GRIK3: variants seen among roughly 807,000 people sequenced by gnomAD.
GRIK3 encodes the protein glutamate ionotropic receptor kainate type subunit 3.
In GRIK3, 29 loss-of-function variants were observed where a neutral mutation model predicts 102.5. That is an observed-to-expected ratio of 0.28 (90% CI 0.21 to 0.39). The LOEUF (loss-of-function observed/expected upper bound fraction) is 0.39. GRIK3 is among the 10% of genes least tolerant of loss of function. The probability of loss-of-function intolerance (pLI) is 1.00; values close to 1 mark genes in which losing one functional copy is unlikely to be tolerated. For missense variants in GRIK3, 908 were observed against 1,252.4 expected (o/e 0.73, Z 4.15); for synonymous variants, 511 against 504.9 (o/e 1.01, Z -0.16).
At chr1:36,919,403 G>A (rs986902518) in intron 1 of GRIK3, among the ~76,000 whole-genome samples, 1 of 148,590 alleles carries the variant, frequency 6.7e-6, no homozygotes, top group Admixed American at 6.7e-5. Flanking sequence ...TAAGTTTTAG[G>A]GTACATGTGC....
chr1:36,954,639 T>C (rs1641882801), intron 1 of GRIK3, among the ~76,000 whole-genome samples: 2 of 151,984 alleles, frequency 1.3e-5, no homozygotes, highest in Admixed American at 6.5e-5. Context: ...GTCCCTGAGG[T>C]TCCCCTGATT....
intron 1 of GRIK3, among the ~76,000 whole-genome samples, chr1:37,033,065 C>T (rs977199601): frequency 6.6e-6 from 1 of 152,142 alleles, no homozygotes; most frequent in Admixed American, 6.5e-5. Flanking sequence ...ATGGAGGCTC[C>T]GTCTTAGCCC....
chr1:36,813,486 G>A (rs1008965766), intron 13 of GRIK3, among the ~76,000 whole-genome samples: 1 of 152,220 alleles, frequency 6.6e-6, no homozygotes, highest in Non-Finnish European at 1.5e-5. Flanking sequence ...AGACCCTAGA[G>A]TGGATGTGGG....
At position 36,975,561 on chromosome 1, in the gene GRIK3, G is replaced by A. The variant is rs535696301; in HGVS notation, c.115+58433C>T. ...TCCCGCCTTGGCCTCCCAAAGTGCC[G>A]GGATTATAGGCATGAGCCACTGCGC... On this transcript the variant is annotated intron_variant, in intron 1 of 15. Transcript: ENST00000373091. 1.6e-3 allele frequency among the ~76,000 whole-genome samples: 244 copies of A among 152,290 alleles called. 1 individual carries two copies. Among genetic ancestry groups the A allele is most frequent in the African/African-American group, 5.5e-3 (228 of 41,564 alleles).
chr1:36,821,796 G>A (rs910067870), intron 11 of GRIK3, among the ~76,000 whole-genome samples: 10 of 152,228 alleles, frequency 6.6e-5, no homozygotes, highest in African/African-American at 2.4e-4. Flanking sequence ...CACTGGAAGA[G>A]CACCCACCTC....
At chr1:37,032,020 G>A (rs943977980) in intron 1 of GRIK3, among the ~76,000 whole-genome samples, 4 of 152,194 alleles carry the variant, frequency 2.6e-5, no homozygotes, top group African/African-American at 7.2e-5. Context: ...GGATATAAAT[G>A]ACCTGGGCTG....
intron 1 of GRIK3, among the ~76,000 whole-genome samples, chr1:37,007,833 A>G (rs1192333463): frequency 6.6e-6 from 1 of 152,206 alleles, no homozygotes; most frequent in Non-Finnish European, 1.5e-5. Flanking sequence ...GAGGGCAGTG[A>G]TGGGACACAG....
chr1:37,032,565 G>C (rs1642840071), intron 1 of GRIK3, among the ~76,000 whole-genome samples: 1 of 152,194 alleles, frequency 6.6e-6, no homozygotes, highest in Non-Finnish European at 1.5e-5. Context: ...AGAGATAGAA[G>C]ACATTTCGGT....
At chr1:37,001,291 T>C (rs1321199654) in intron 1 of GRIK3, among the ~76,000 whole-genome samples, 4 of 152,224 alleles carry the variant, frequency 2.6e-5, no homozygotes, top group South Asian at 4.1e-4. Context: ...GAAAGAATAG[T>C]CTGAGATCAA....
chr1:36,949,558 T>TTCTC (rs1215214621), intron 1 of GRIK3, among the ~76,000 whole-genome samples: 2 of 151,014 alleles, frequency 1.3e-5, no homozygotes, highest in African/African-American at 4.9e-5. Flanking sequence ...TTTTTTTTCT[T>TTCTC]TCTCTCTCTC....
chr1:36,917,080 C>T (rs929258483), intron 1 of GRIK3, among the ~76,000 whole-genome samples: 2 of 152,190 alleles, frequency 1.3e-5, no homozygotes, highest in African/African-American at 4.8e-5. Flanking sequence ...TTACCTCTTG[C>T]ATCAGTGTGA....
At chr1:36,924,829 G>GAC (rs1328859253) in intron 1 of GRIK3, among the ~76,000 whole-genome samples, 1 of 152,008 alleles carries the variant, frequency 6.6e-6, no homozygotes, top group Non-Finnish European at 1.5e-5. Flanking sequence ...TCTCGCAGGG[G>GAC]ACACAGCATG....
intron 1 of GRIK3, among the ~76,000 whole-genome samples, chr1:36,962,118 G>A (rs1045526729): frequency 3.3e-5 from 5 of 152,106 alleles, no homozygotes; most frequent in Admixed American, 6.5e-5. Context: ...CAGGAGCACC[G>A]GCCCTGCACA....
At chr1:36,857,143 G>A (rs1021591873) in intron 7 of GRIK3, among the ~76,000 whole-genome samples, 2 of 152,196 alleles carry the variant, frequency 1.3e-5, no homozygotes, top group African/African-American at 4.8e-5. Flanking sequence ...TTAAAAAGTG[G>A]TGAAGCTTCC....
Position 36,974,656 on chromosome 1 carries a change from C to A in GRIK3, c.115+59338G>T, listed in dbSNP as rs185442205. ...TACTAAAAATACAAAAAAAATTAGC[C>A]GGGCGTGGTGGTGGGCGCCTGTAGT... On this transcript the variant is annotated intron_variant, in intron 1 of 15. Coordinates refer to ENST00000373091, the MANE Select transcript of GRIK3 (RefSeq NM_000831.4). 4.5e-3 allele frequency among the ~76,000 whole-genome samples: 691 copies of A among 151,924 alleles called. 5 individuals are homozygous for A. The highest frequency in any genetic ancestry group is 0.016 in the African/African-American group (661 of 41,400).
chr1:36,944,290 G>A (rs1641758564), intron 1 of GRIK3, among the ~76,000 whole-genome samples: 2 of 152,374 alleles, frequency 1.3e-5, no homozygotes, highest in Non-Finnish European at 2.9e-5. Flanking sequence ...TGCTAGCAGA[G>A]CAAGCCTTGG....
chr1:36,904,179 G>A (rs552966328), intron 1 of GRIK3, among the ~76,000 whole-genome samples: 181 of 152,316 alleles, frequency 1.2e-3, no homozygotes, highest in African/African-American at 4.1e-3. Context: ...ATTTTAACAC[G>A]TGAACACACA....
chr1:36,981,739 G>A (rs1642250006), intron 1 of GRIK3, among the ~76,000 whole-genome samples: 1 of 152,150 alleles, frequency 6.6e-6, no homozygotes, highest in Admixed American at 6.5e-5. Context: ...TCCATCCCAG[G>A]AGGCTATATA....
chr1:36,859,825 C>T lies in GRIK3; in HGVS notation c.960+19G>A, dbSNP rs750901034. 5.6e-6 allele frequency: 9 copies of T among 1,604,776 alleles called. No individual in the cohort carries two copies. Among genetic ancestry groups the T allele is most frequent in the Non-Finnish European group, 7.7e-6 (9 of 1,172,150 alleles). The stretch of plus-strand genomic sequence containing the variant: ...GCAGGTGGGAAGCCCCTGGAATTCA[C>T]CTCACCCAGCCGCCTTACCATCATC... On this transcript the variant is annotated intron_variant, in intron 6 of 15. Coordinates refer to ENST00000373091, the MANE Select transcript of GRIK3 (RefSeq NM_000831.4).
Sources: allele counts gnomAD v4.1 joint callset (sites outside exome capture counted in the v4.1 genomes callset), GRCh38; gene constraint gnomAD v4.1.1; transcripts MANE v1.5; gene names NCBI Gene and HGNC (gene_info 2026-07-23, HGNC 2026-07-21).